Variants in KCNH1 observed in about 807,000 individuals in gnomAD.
The protein encoded by KCNH1 is potassium voltage-gated channel subfamily H member 1, also known as voltage-gated delayed rectifier potassium channel KCNH1.
A neutral mutation model predicts 69.2 loss-of-function variants in KCNH1; 27 were observed. The observed-to-expected ratio is 0.39, with a 90% confidence interval of 0.29 to 0.54. KCNH1 has a LOEUF of 0.54. Among genes scored for constraint, KCNH1 ranks in the 20% least tolerant of loss-of-function variants. The probability of loss-of-function intolerance (pLI) is 0.68; values close to 1 mark genes in which losing one functional copy is unlikely to be tolerated. For synonymous variants in KCNH1, 456 were observed against 487.7 expected (o/e 0.93, Z 0.86); for missense variants, 798 against 1,261.6 (o/e 0.63, Z 5.57).
chr1:210,715,521 A>C lies in KCNH1; in HGVS notation c.2113-31383T>G, dbSNP rs1229537185. On this transcript the variant is annotated intron_variant, in intron 10 of 10. Transcript: ENST00000271751. Reference sequence around the variant, plus strand: ...GTTTCTATTTTAAAAATTAAACAAAAAAAAAAAAAACGTAATGGGATTAGT... The same window carrying C: ...GTTTCTATTTTAAAAATTAAACAAACAAAAAAAAAACGTAATGGGATTAGT... Among the ~76,000 whole-genome samples the C allele has an allele frequency of 2.4e-3, 338 of 143,230 alleles. 1 individual carries two copies. The highest frequency in any genetic ancestry group is 8.5e-3 in the African/African-American group (285 of 33,496). 94.0% of individuals were successfully genotyped at this position (143,230 alleles called of 152,430 possible). A position where few individuals can be genotyped will look rare whatever the true frequency, so the allele number is the denominator to read the frequency against.
intron 10 of KCNH1, among the ~76,000 whole-genome samples, chr1:210,712,681 T>G (rs1682106398): frequency 6.6e-6 from 1 of 152,228 alleles, no homozygotes; most frequent in Non-Finnish European, 1.5e-5. Context: ...CACAGGTGGT[T>G]TGGCTCATAC....
chr1:211,079,188 C>T (rs1690799471), intron 5 of KCNH1, among the ~76,000 whole-genome samples: 1 of 152,224 alleles, frequency 6.6e-6, no homozygotes, highest in South Asian at 2.1e-4. Flanking sequence ...ACTATAAACA[C>T]CTCTATGCAA....
chr1:210,834,640 T>A lies in KCNH1; in HGVS notation c.1463-30474A>T, dbSNP rs545334565. On this transcript the variant is annotated intron_variant, in intron 7 of 10. Transcript: ENST00000271751. The stretch of plus-strand genomic sequence containing the variant: ...CATGTCACATGTATACATATGTAAC[T>A]AACCTGCACATTGTGCACATGTACC... Among the ~76,000 whole-genome samples, 443 of 149,602 alleles carry A rather than the reference T, an allele frequency of 3.0e-3. 6 individuals carry two copies. Among genetic ancestry groups the A allele is most frequent in the African/African-American group, 0.011 (426 of 40,426 alleles).
chr1:210,907,356 A>G (rs965366300), intron 7 of KCNH1, among the ~76,000 whole-genome samples: 2 of 152,162 alleles, frequency 1.3e-5, no homozygotes, highest in African/African-American at 4.8e-5. Flanking sequence ...CCAAAGCAAA[A>G]GATGGTAGAA....
intron 10 of KCNH1, among the ~76,000 whole-genome samples, chr1:210,714,937 T>C (rs1682187717): frequency 6.6e-6 from 1 of 152,172 alleles, no homozygotes; most frequent in Admixed American, 6.5e-5. Flanking sequence ...AGATGTACAC[T>C]ATCTCCTCCC....
At position 210,860,151 on chromosome 1, in the gene KCNH1, A is replaced by G. The variant is rs936683628; in HGVS notation, c.1463-55985T>C. ...TGTATATCATTTCAAGATACTTGGT[A>G]TCAGACAGAAGTGTCTTGGTATCAA... On this transcript the variant is annotated intron_variant, in intron 7 of 10. Coordinates refer to ENST00000271751, the MANE Select transcript of KCNH1 (RefSeq NM_172362.3). 5 of 1,157,128 alleles carry G rather than the reference A, an allele frequency of 4.3e-6. No homozygotes were observed. In the African/African-American group the frequency reaches 4.5e-5, roughly 11 times the overall value. The allele number at this position is 1,157,128 out of a possible 1,614,324, so 71.7% of individuals were successfully genotyped here.
intron 9 of KCNH1, among the ~76,000 whole-genome samples, chr1:210,795,058 A>T (rs1684280835): frequency 1.3e-5 from 2 of 152,182 alleles, no homozygotes; most frequent in Admixed American, 1.3e-4. Flanking sequence ...GATACCATGG[A>T]ATCTAGAACA....
At chr1:210,973,214 C>A (rs1305524096) in intron 6 of KCNH1, among the ~76,000 whole-genome samples, 1 of 152,092 alleles carries the variant, frequency 6.6e-6, no homozygotes, top group Non-Finnish European at 1.5e-5. Context: ...CAACATATCC[C>A]AAAGTGAAAT....
At chr1:210,774,667 C>T (rs1266946209) in intron 10 of KCNH1, among the ~76,000 whole-genome samples, 14 of 152,152 alleles carry the variant, frequency 9.2e-5, no homozygotes, top group Non-Finnish European at 2.1e-4. Flanking sequence ...GCAAGAAAAT[C>T]CGTCATGAAA....
chr1:211,018,806 G>A lies in KCNH1; in HGVS notation c.1009C>T (p.Pro337Ser). ...KIGFADQIPP[P>S]LEGRESQGIS... ...ACCTGACTCTCTCTCCCCTCCAGTG[G>A]TGGTGGAATCTGATCAGCAAAACCA... Residue 337 changes from proline to serine, a missense_variant, in exon 6 of 11, where the codon CCA (proline) becomes TCA (serine). Transcript: ENST00000271751. 6.2e-7 allele frequency: 1 copy of A among 1,610,870 alleles called. No homozygotes were observed. The highest frequency in any genetic ancestry group is 1.1e-5 in the South Asian group (1 of 90,440).
At chr1:210,765,956 G>A (rs573663966) in intron 10 of KCNH1, among the ~76,000 whole-genome samples, 3 of 152,014 alleles carry the variant, frequency 2.0e-5, no homozygotes, top group Admixed American at 6.5e-5. Flanking sequence ...CCAGCTAGTC[G>A]GGAGGCTGAG....
At position 211,067,183 on chromosome 1, in the gene KCNH1, C is replaced by G. The variant is rs1354109484; in HGVS notation, c.558+15597G>C. Reference sequence around the variant, plus strand: ...CAAATCCTGCTGAGCGGGACTGCTGCTCTCTCCTACAAACTGAGACTTTCC... The same window carrying G: ...CAAATCCTGCTGAGCGGGACTGCTGGTCTCTCCTACAAACTGAGACTTTCC... On this transcript the variant is annotated intron_variant, in intron 5 of 10. Transcript: ENST00000271751. Among the ~76,000 whole-genome samples the G allele has an allele frequency of 2.0e-5, 3 of 152,220 alleles. No homozygotes were observed. In the South Asian group the frequency reaches 6.2e-4, roughly 32 times the overall value.
intron 5 of KCNH1, among the ~76,000 whole-genome samples, chr1:211,021,228 G>A (rs1210188968): frequency 6.6e-6 from 1 of 151,832 alleles, no homozygotes; most frequent in Non-Finnish European, 1.5e-5. Context: ...GGTGATGAGT[G>A]TACCAAAATC....
chr1:210,701,497 A>G (rs949646867), intron 10 of KCNH1, among the ~76,000 whole-genome samples: 3 of 152,226 alleles, frequency 2.0e-5, no homozygotes, highest in African/African-American at 7.2e-5. Flanking sequence ...CTAAGATTCT[A>G]AGATACCAAC....
At chr1:210,892,084 G>A (rs1246736087) in intron 7 of KCNH1, among the ~76,000 whole-genome samples, 1 of 151,992 alleles carries the variant, frequency 6.6e-6, no homozygotes, top group Non-Finnish European at 1.5e-5. Flanking sequence ...GCTAAGGGAG[G>A]GATAGCATTA....
At chr1:210,744,246 G>A (rs1037106312) in intron 10 of KCNH1, among the ~76,000 whole-genome samples, 4 of 152,228 alleles carry the variant, frequency 2.6e-5, no homozygotes, top group Non-Finnish European at 5.9e-5. Flanking sequence ...ATCGGCCCAT[G>A]TAAGTCTATT....
chr1:210,929,039 A>G (rs1006959814), intron 6 of KCNH1, among the ~76,000 whole-genome samples: 1 of 152,124 alleles, frequency 6.6e-6, no homozygotes, highest in African/African-American at 2.4e-5. Context: ...ATAATTTAAA[A>G]ATTTCTGACA....
rs1309538634 is a variant in KCNH1 at position 210,746,205 on chromosome 1, A to G, written c.2112+29143T>C. ...TCCCTTCTTACTCTGTGAGTCATGC[A>G]GCCTGCCAGACTCTGAGGCAAGGCC... On this transcript the variant is annotated intron_variant, in intron 10 of 10. Coordinates refer to ENST00000271751, the MANE Select transcript of KCNH1 (RefSeq NM_172362.3). Among the ~76,000 whole-genome samples, 22 of 152,130 alleles carry G rather than the reference A, an allele frequency of 1.4e-4. 1 individual carries two copies. The highest frequency in any genetic ancestry group is 4.4e-5 in the Non-Finnish European group (3 of 68,020).
At chr1:210,779,442 T>C (rs1683931270) in intron 9 of KCNH1, among the ~76,000 whole-genome samples, 1 of 152,222 alleles carries the variant, frequency 6.6e-6, no homozygotes, top group African/African-American at 2.4e-5. Context: ...TTTGGCAAGC[T>C]GCTTGTAAGT....
Sources: gnomAD v4.1 joint callset for allele counts (sites outside exome capture counted in the v4.1 genomes callset) on GRCh38, gnomAD v4.1.1 for gene constraint, MANE v1.5 for transcripts, NCBI Gene and HGNC (gene_info 2026-07-23, HGNC 2026-07-21) for gene names.